The following RBPJ variants were observed in gnomAD, a reference collection of about 807,000 sequenced individuals.
The protein encoded by RBPJ is recombination signal binding protein for immunoglobulin kappa J region, also known as recombining binding protein suppressor of hairless.
A neutral mutation model predicts 67.8 loss-of-function variants in RBPJ; 9 were observed. The observed-to-expected ratio is 0.13, with a 90% CI of 0.08 to 0.23. The LOEUF (loss-of-function observed/expected upper bound fraction) is 0.23, where lower values mean the gene tolerates loss of function less well. Ranked by LOEUF, RBPJ falls within the 10% of genes least tolerant of loss-of-function variation. RBPJ has a pLI of 1.00. For synonymous variants in RBPJ, 198 were observed against 203.3 expected (o/e 0.97, Z 0.22); for missense variants, 305 against 595.6 (o/e 0.51, Z 5.08).
At chr4:26,259,196 T>C (rs1452970410) in intron 1 of RBPJ, among the ~76,000 whole-genome samples, 1 of 152,164 alleles carries the variant, frequency 6.6e-6, no homozygotes, top group Non-Finnish European at 1.5e-5. Context: ...CTCAAAACTC[T>C]TGCAAAATTT....
intron 1 of RBPJ, among the ~76,000 whole-genome samples, chr4:26,206,778 C>T (rs537778412): frequency 1.2e-3 from 185 of 149,664 alleles, no homozygotes; most frequent in African/African-American, 4.4e-3. Context: ...AAATCCTGGC[C>T]AGTTTTCCTC....
chr4:26,344,651 T>G (rs555923473), intron 1 of RBPJ, among the ~76,000 whole-genome samples: 1 of 152,242 alleles, frequency 6.6e-6, no homozygotes, highest in South Asian at 2.1e-4. Context: ...AAGATAAATT[T>G]CTCAAAATAA....
intron 1 of RBPJ, among the ~76,000 whole-genome samples, chr4:26,220,192 G>A (rs926512392): frequency 1.3e-5 from 2 of 152,156 alleles, no homozygotes; most frequent in Non-Finnish European, 2.9e-5. Flanking sequence ...AATAGGCAGG[G>A]CTAGTTAATA....
intron 1 of RBPJ, among the ~76,000 whole-genome samples, chr4:26,328,301 T>A (rs899619582): frequency 2.0e-5 from 3 of 152,172 alleles, no homozygotes; most frequent in African/African-American, 7.2e-5. Context: ...ATTGTTTTAA[T>A]AACAATATAT....
At chr4:26,303,217 T>TA (rs1722131177) in intron 1 of RBPJ, among the ~76,000 whole-genome samples, 1 of 132,108 alleles carries the variant, frequency 7.6e-6, no homozygotes. Context: ...AATAAATAAA[T>TA]AATAAATGAA....
chr4:26,382,479 A>G (rs1052266607), intron 1 of RBPJ, among the ~76,000 whole-genome samples: 2 of 152,162 alleles, frequency 1.3e-5, no homozygotes, highest in African/African-American at 4.8e-5. Flanking sequence ...CCCTATGGAG[A>G]TTTATTAAGT....
intron 1 of RBPJ, among the ~76,000 whole-genome samples, chr4:26,239,253 T>C (rs1719553825): frequency 6.6e-6 from 1 of 152,236 alleles, no homozygotes; most frequent in Non-Finnish European, 1.5e-5. Flanking sequence ...GTGCTTTTCA[T>C]ATTTTCCAGA....
chr4:26,209,098 A>AT (rs60595455), intron 1 of RBPJ, among the ~76,000 whole-genome samples: 14,520 of 146,906 alleles, frequency 0.099, 850 homozygotes, highest in East Asian at 0.24. Context: ...GAAGAAAAAA[A>AT]ATATATATAT....
At chr4:26,319,556 G>A (rs1722810603), upstream of RBPJ, 2 of 449,220 alleles carry the variant, frequency 4.5e-6, no homozygotes, top group East Asian at 9.7e-5. Context: ...GCAAACACCT[G>A]TCCTGCCTTG....
At chr4:26,294,222 C>G (rs1022314910) in intron 1 of RBPJ, among the ~76,000 whole-genome samples, 3 of 152,040 alleles carry the variant, frequency 2.0e-5, no homozygotes, top group Non-Finnish European at 4.4e-5. Flanking sequence ...CTCAGCCTCC[C>G]GAGTAGCTGG....
intron 1 of RBPJ, among the ~76,000 whole-genome samples, chr4:26,366,458 C>G (rs897145095): frequency 1.3e-5 from 2 of 152,070 alleles, no homozygotes; most frequent in Admixed American, 6.6e-5. Flanking sequence ...AAGTCTTGCT[C>G]TGTCACCCAG....
At chr4:26,416,031 G>T (rs765124848) in intron 4 of RBPJ, among the ~76,000 whole-genome samples, 2 of 152,090 alleles carry the variant, frequency 1.3e-5, no homozygotes, top group South Asian at 4.1e-4. Context: ...TACTAGACAC[G>T]ATGATATATA....
At chr4:26,362,764 T>C (rs1236693963) in intron 1 of RBPJ, 16 of 696,584 alleles carry the variant, frequency 2.3e-5, no homozygotes, top group Non-Finnish European at 3.5e-5. Context: ...CTTTTGATTA[T>C]AGATGTGGTT....
intron 1 of RBPJ, among the ~76,000 whole-genome samples, chr4:26,351,917 A>G (rs1243596698): frequency 6.6e-6 from 1 of 152,172 alleles, no homozygotes; most frequent in East Asian, 1.9e-4. Flanking sequence ...ATGTTCTATT[A>G]AGAAACAGTG....
intron 1 of RBPJ, among the ~76,000 whole-genome samples, chr4:26,364,660 T>G (rs1362110262): frequency 6.7e-6 from 1 of 149,732 alleles, no homozygotes; most frequent in Non-Finnish European, 1.5e-5. Context: ...GGAGTCTTGC[T>G]CTGTTGCTCA....
intron 1 of RBPJ, among the ~76,000 whole-genome samples, chr4:26,333,951 G>A (rs557483061): frequency 6.6e-6 from 1 of 152,256 alleles, no homozygotes; most frequent in South Asian, 2.1e-4. Flanking sequence ...ATAGTTGTGA[G>A]CCACTGTACA....
chr4:26,301,535 T>C (rs368368287), intron 1 of RBPJ, among the ~76,000 whole-genome samples: 23 of 148,934 alleles, frequency 1.5e-4, no homozygotes, highest in African/African-American at 5.7e-4. Flanking sequence ...GAGCTTGCAG[T>C]GAGCCAAAAT....
At chr4:26,415,678 A>G in intron 4 of RBPJ, 38 bp downstream of exon 4, 2 of 1,545,862 alleles carry the variant, frequency 1.3e-6, no homozygotes, top group South Asian at 2.4e-5. Context: ...AAGGGGCACC[A>G]TGGTACCAGA....
intron 1 of RBPJ, among the ~76,000 whole-genome samples, chr4:26,346,932 C>T (rs1217827005): frequency 1.3e-5 from 2 of 151,754 alleles, no homozygotes; most frequent in African/African-American, 4.8e-5. Flanking sequence ...GCGGAGGTTG[C>T]AGTGAGCCGA....
Sources: gnomAD v4.1 joint callset for allele counts (sites outside exome capture counted in the v4.1 genomes callset) on GRCh38, gnomAD v4.1.1 for gene constraint, MANE v1.5 for transcripts, NCBI Gene and HGNC (gene_info 2026-07-23, HGNC 2026-07-21) for gene names.